The following PKP2 variants were observed in gnomAD, a reference collection of about 807,000 sequenced individuals.
PKP2 encodes the protein plakophilin 2.
A neutral mutation model predicts 83.4 loss-of-function variants in PKP2; 73 were observed. That is an observed-to-expected ratio of 0.88 (90% CI 0.72 to 1.06). PKP2 has a LOEUF of 1.06. Among genes scored for constraint, PKP2 ranks in the 50% least tolerant of loss-of-function variants. The pLI is 0.00. For missense variants in PKP2, 966 were observed against 1,065.4 expected, an observed-to-expected ratio of 0.91 and a Z score of 1.30; for synonymous variants, 409 against 430.4, an observed-to-expected ratio of 0.95 and a Z score of 0.62.
chr12:32,842,123 AT>A (rs1227122255), intron 5 of PKP2, among the ~76,000 whole-genome samples: 4 of 151,988 alleles, frequency 2.6e-5, no homozygotes, highest in Non-Finnish European at 5.9e-5. Flanking sequence ...TACGTTTAGG[AT>A]TTTTTTTGTT....
intron 4 of PKP2, among the ~76,000 whole-genome samples, chr12:32,852,498 A>G (rs1262709461): frequency 6.6e-6 from 1 of 152,228 alleles, no homozygotes; most frequent in Non-Finnish European, 1.5e-5. Flanking sequence ...TAACAACCAC[A>G]GTCATCATAA....
At chr12:32,821,157 A>ACTGACTTGACTTGTCAGTCAAGCAGC (rs1325328551) in intron 9 of PKP2, 199 bp downstream of exon 9, 41 of 587,698 alleles carry the variant, frequency 7.0e-5, no homozygotes, top group South Asian at 1.2e-4. Flanking sequence ...CTGAAAGAGT[A>ACTGACTTGACTTGTCAGTCAAGCAGC]CTGACTTGAC....
At chr12:32,814,903 C>T (rs945211400) in intron 9 of PKP2, among the ~76,000 whole-genome samples, 13 of 151,456 alleles carry the variant, frequency 8.6e-5, no homozygotes, top group South Asian at 2.1e-4. Context: ...CCACCCTAGG[C>T]GACAGAGTGA....
At position 32,896,529 on chromosome 12, in the gene PKP2, C is replaced by T; in HGVS notation, c.203G>A (p.Gly68Asp). The T allele has an allele frequency of 6.4e-7, 1 of 1,554,308 alleles. No homozygotes were observed. Among genetic ancestry groups the T allele is most frequent in the Non-Finnish European group, 8.6e-7 (1 of 1,156,916 alleles). ...EQVQQTLARK[G>D]RSSVGNGNLH... The stretch of plus-strand genomic sequence containing the variant: ...CTCACCGTTGCCCACGGAGCTGCGG[C>T]CCTTCCGGGCGAGGGTCTGCTGCAC... The change falls in exon 1 of 13, where the codon GGC becomes GAC. Residue 68 changes from glycine to aspartate, a missense_variant. Physicochemically the swap from Gly to Asp is moderately conservative, Grantham distance 94. Coordinates refer to ENST00000340811, the MANE Select transcript of PKP2 (RefSeq NM_001005242.3).
intron 5 of PKP2, among the ~76,000 whole-genome samples, chr12:32,846,956 G>A (rs1956652330): frequency 6.6e-6 from 1 of 151,862 alleles, no homozygotes; most frequent in Non-Finnish European, 1.5e-5. Context: ...GGCAACCTTG[G>A]GCAATTTACT....
chr12:32,890,958 AAAAAAAAAAAG>A (rs916232103), intron 1 of PKP2, among the ~76,000 whole-genome samples: 2 of 151,808 alleles, frequency 1.3e-5, no homozygotes, highest in African/African-American at 4.8e-5. Context: ...GAAACAAAAA[AAAAAAAAAAAG>A]AAAAGAAAAG....
At chr12:32,818,029 C>T (rs984046538) in intron 9 of PKP2, among the ~76,000 whole-genome samples, 6 of 152,162 alleles carry the variant, frequency 3.9e-5, no homozygotes, top group Non-Finnish European at 7.3e-5. Context: ...ACAGTTTCAT[C>T]CTGAAACTAT....
chr12:32,791,445 TA>T lies in PKP2; in HGVS notation c.*978del, dbSNP rs1454704486. 1.3e-5 allele frequency: 2 copies of T among 152,242 alleles called. No homozygotes were observed. The highest frequency in any genetic ancestry group is 4.8e-5 in the African/African-American group (2 of 41,452). The allele number at this position is 152,242 out of a possible 1,614,324, so 9.4% of individuals were successfully genotyped here. On this transcript the variant is annotated 3_prime_UTR_variant, in exon 13 of 13. Transcript: ENST00000340811. Reference sequence around the variant, plus strand: ...TAATGTAACTCATTAACATGAGCCGTATTTTCAGTGCCCCAGGCTGGCCAGG... The same window carrying T: ...TAATGTAACTCATTAACATGAGCCGTTTTTCAGTGCCCCAGGCTGGCCAGG...
chr12:32,829,213 C>A (rs1226822136), intron 6 of PKP2, among the ~76,000 whole-genome samples: 2 of 151,136 alleles, frequency 1.3e-5, no homozygotes, highest in South Asian at 2.1e-4. Context: ...GGTGTAAGCC[C>A]CTGTGCCTGG....
intron 3 of PKP2, among the ~76,000 whole-genome samples, chr12:32,875,635 G>A (rs1402458455): frequency 6.6e-6 from 1 of 152,186 alleles, no homozygotes; most frequent in Non-Finnish European, 1.5e-5. Flanking sequence ...TTCTGACTGA[G>A]CAAGACCAGA....
At chr12:32,838,783 T>C (rs1956564192) in intron 6 of PKP2, among the ~76,000 whole-genome samples, 1 of 152,230 alleles carries the variant, frequency 6.6e-6, no homozygotes, top group Admixed American at 6.5e-5. Context: ...GTAGCAAAGG[T>C]ATGTAAACAA....
Position 32,824,125 on chromosome 12 carries a change from T to C in PKP2, c.1594A>G (p.Met532Val). The stretch of plus-strand genomic sequence containing the variant: ...TCAATGAGTCCGTCACATCTTCTCA[T>C]CGCTTTTCTCCCATCAGCGCCAGCA... Reference protein sequence around the residue: ...SSAGADGRKAMRRCDGLIDSL... With the variant: ...SSAGADGRKAVRRCDGLIDSL... The change falls in exon 7 of 13, where the codon ATG becomes GTG. Residue 532 changes from methionine to valine, a missense_variant. Coordinates refer to ENST00000340811, the MANE Select transcript of PKP2 (RefSeq NM_001005242.3). The C allele has an allele frequency of 6.2e-7, 1 of 1,613,516 alleles. No homozygotes were observed. Among genetic ancestry groups the C allele is most frequent in the African/African-American group, 1.3e-5 (1 of 75,018 alleles).
chr12:32,809,782 C>T lies in PKP2; in HGVS notation c.2014-7226G>A, dbSNP rs1018197500. 4.6e-5 allele frequency among the ~76,000 whole-genome samples: 7 copies of T among 152,280 alleles called. No individual in the cohort carries two copies. In the East Asian group the frequency reaches 9.6e-4, roughly 21 times the overall value. On this transcript the variant is annotated intron_variant, in intron 9 of 12. Transcript: ENST00000340811. ...GGGAGAAGCATGGTCCTGGGCGGGT[C>T]GCACAATCGGTCACCGCTTCCCTTT...
intron 4 of PKP2, among the ~76,000 whole-genome samples, chr12:32,857,440 AAG>A (rs899759767): frequency 5.9e-5 from 9 of 151,630 alleles, no homozygotes; most frequent in East Asian, 1.9e-4. Flanking sequence ...AAAAAGAAAA[AAG>A]AGAGAGAGAG....
intron 5 of PKP2, among the ~76,000 whole-genome samples, chr12:32,845,605 A>C (rs1956637620): frequency 6.6e-6 from 1 of 152,198 alleles, no homozygotes; most frequent in African/African-American, 2.4e-5. Flanking sequence ...AGGACAGAAA[A>C]TATAGTAATT....
At chr12:32,807,764 T>C (rs1378106069) in intron 9 of PKP2, among the ~76,000 whole-genome samples, 1 of 152,168 alleles carries the variant, frequency 6.6e-6, no homozygotes, top group Non-Finnish European at 1.5e-5. Context: ...CTGAAAAGGA[T>C]CTTATTTCTC....
chr12:32,825,162 C>CTTTTTTTTTTTTTTTTTTTTTTTTTTT (rs10607965), intron 6 of PKP2, among the ~76,000 whole-genome samples: 2 of 76,854 alleles, frequency 2.6e-5, no homozygotes, highest in Non-Finnish European at 4.7e-5. Flanking sequence ...AGATCAGTTT[C>CTTTTTTTTTTTTTTTTTTTTTTTTTTT]TTTTTTTTTT....
intron 4 of PKP2, among the ~76,000 whole-genome samples, chr12:32,860,450 A>C (rs1956788107): frequency 6.6e-6 from 1 of 152,176 alleles, no homozygotes. Flanking sequence ...AAAATCTCAA[A>C]AATTCCTGCT....
Position 32,792,152 on chromosome 12 carries a change from A to G in PKP2, c.*272T>C. The G allele has an allele frequency of 6.1e-6, 3 of 488,058 alleles. No homozygotes were observed. In the South Asian group the frequency reaches 6.6e-5, roughly 11 times the overall value. The allele number at this position is 488,058 out of a possible 1,614,324, so 30.2% of individuals were successfully genotyped here. A position where few individuals can be genotyped will look rare whatever the true frequency, so the allele number is the denominator to read the frequency against. ...TAATGTCCCTTCCACATGAATTCAC[A>G]TTTTGATTCCAGGAAGCCATGTACC... On this transcript the variant is annotated 3_prime_UTR_variant, in exon 13 of 13. Coordinates refer to ENST00000340811, the MANE Select transcript of PKP2 (RefSeq NM_001005242.3).
Sources: allele counts gnomAD v4.1 joint callset (sites outside exome capture counted in the v4.1 genomes callset), GRCh38; gene constraint gnomAD v4.1.1; transcripts MANE v1.5; gene names NCBI Gene and HGNC (gene_info 2026-07-23, HGNC 2026-07-21).